The following KCNQ3 variants were observed in gnomAD, a reference collection of about 807,000 sequenced individuals.
The protein encoded by KCNQ3 is potassium voltage-gated channel subfamily Q member 3.
Under a neutral mutation model 92.5 loss-of-function variants are expected in KCNQ3, and 30 were observed. That is an observed-to-expected ratio of 0.32 (90% CI 0.24 to 0.44). KCNQ3 has a LOEUF of 0.44. Ranked by LOEUF, KCNQ3 falls within the 20% of genes least tolerant of loss-of-function variation. The pLI is 1.00. For synonymous variants in KCNQ3, 450 were observed against 468.8 expected, an observed-to-expected ratio of 0.96 and a Z score of 0.52; for missense variants, 913 against 1,140.3, an observed-to-expected ratio of 0.80 and a Z score of 2.87.
intron 1 of KCNQ3, among the ~76,000 whole-genome samples, chr8:132,343,099 C>T (rs1818583552): frequency 6.6e-6 from 1 of 152,250 alleles, no homozygotes; most frequent in Admixed American, 6.5e-5. Flanking sequence ...TAACACTGAA[C>T]ATAGTGTAAG....
At position 132,366,489 on chromosome 8, in the gene KCNQ3, T is replaced by C. The variant is rs1819326978; in HGVS notation, c.386+113658A>G. ...GTACCTCTAGTTCAATTTTAAATAATAGTGTTGATGGTAGATGCTCTTACC... is the reference window on the plus strand; with the variant it reads ...GTACCTCTAGTTCAATTTTAAATAACAGTGTTGATGGTAGATGCTCTTACC... On this transcript the variant is annotated intron_variant, in intron 1 of 14. Coordinates refer to ENST00000388996, the MANE Select transcript of KCNQ3 (RefSeq NM_004519.4). 2.0e-5 allele frequency among the ~76,000 whole-genome samples: 3 copies of C among 152,304 alleles called. No individual in the cohort carries two copies. The South Asian group carries it at 6.2e-4, about 32-fold the overall frequency.
At position 132,291,772 on chromosome 8, in the gene KCNQ3, A is replaced by G. The variant is rs116913368; in HGVS notation, c.387-105591T>C. Among the ~76,000 whole-genome samples the G allele has an allele frequency of 6.6e-4, 101 of 152,354 alleles. No homozygotes were observed. The East Asian group carries it at 0.019, about 29-fold the overall frequency. On this transcript the variant is annotated intron_variant, in intron 1 of 14. Coordinates refer to ENST00000388996, the MANE Select transcript of KCNQ3 (RefSeq NM_004519.4). ...GGTGATCCATTCATTTATGCCATCT[A>G]TAACTGCGTATTAGGAACCAGATGA...
At chr8:132,464,017 T>C (rs192038597) in intron 1 of KCNQ3, among the ~76,000 whole-genome samples, 9 of 152,282 alleles carry the variant, frequency 5.9e-5, no homozygotes, top group Admixed American at 2.6e-4. Flanking sequence ...AAACCCTGTT[T>C]CTACTAAAAG....
intron 1 of KCNQ3, among the ~76,000 whole-genome samples, chr8:132,431,373 T>G (rs1339310551): frequency 6.6e-6 from 1 of 152,212 alleles, no homozygotes; most frequent in East Asian, 1.9e-4. Context: ...TGATTCTTGC[T>G]GCAACGTTCC....
intron 1 of KCNQ3, among the ~76,000 whole-genome samples, chr8:132,340,046 C>T (rs949774444): frequency 4.0e-5 from 6 of 151,658 alleles, no homozygotes; most frequent in African/African-American, 1.5e-4. Context: ...AAATGCAAAT[C>T]AAAACCACAA....
chr8:132,380,662 T>C (rs953517685), intron 1 of KCNQ3, among the ~76,000 whole-genome samples: 46 of 151,610 alleles, frequency 3.0e-4, no homozygotes, highest in African/African-American at 1.0e-3. Flanking sequence ...ACCTTCTGTT[T>C]TTTCCCACCC....
intron 1 of KCNQ3, among the ~76,000 whole-genome samples, chr8:132,253,232 G>T (rs1815474452): frequency 6.6e-6 from 1 of 152,160 alleles, no homozygotes; most frequent in Non-Finnish European, 1.5e-5. Flanking sequence ...GTTTCCAAAA[G>T]GCAAGGACAG....
intron 1 of KCNQ3, among the ~76,000 whole-genome samples, chr8:132,369,512 G>C (rs1056285509): frequency 5.3e-5 from 8 of 151,646 alleles, no homozygotes; most frequent in Admixed American, 1.3e-4. Context: ...GCTGGGTCAG[G>C]GAGTATAAAA....
At chr8:132,328,774 GT>G (rs1314871077) in intron 1 of KCNQ3, among the ~76,000 whole-genome samples, 5 of 151,906 alleles carry the variant, frequency 3.3e-5, no homozygotes, top group African/African-American at 1.2e-4. Flanking sequence ...ATAGTTTCTG[GT>G]TCCTAAAAGT....
intron 8 of KCNQ3, among the ~76,000 whole-genome samples, chr8:132,166,709 G>A (rs150038849): frequency 2.4e-4 from 37 of 152,174 alleles, no homozygotes; most frequent in African/African-American, 6.5e-4. Flanking sequence ...ACAGACCACC[G>A]TCATCCATCA....
In KCNQ3 at chr8:132,480,623, G is replaced by A. The variant is rs1183958976; in HGVS notation, c.-91C>T. ...GTGCGTGAACGAGGCGGCGGCGGCGGCTGCAAGCCCGGGAACTCCAATGCC... is the reference window on the plus strand; with the variant it reads ...GTGCGTGAACGAGGCGGCGGCGGCGACTGCAAGCCCGGGAACTCCAATGCC... On this transcript the variant is annotated 5_prime_UTR_variant, in exon 1 of 15. Transcript: ENST00000388996. 1 of 1,184,984 alleles carries A rather than the reference G, an allele frequency of 8.4e-7. No homozygotes were observed. Among genetic ancestry groups the A allele is most frequent in the African/African-American group, 1.6e-5 (1 of 61,536 alleles). The allele number at this position is 1,184,984 out of a possible 1,614,324, so 73.4% of individuals were successfully genotyped here. A position where few individuals can be genotyped will look rare whatever the true frequency, so the allele number is the denominator to read the frequency against.
At position 132,129,750 on chromosome 8, in the gene KCNQ3, C is replaced by T; in HGVS notation, c.2131G>A (p.Gly711Arg). 4 of 1,614,184 alleles carry T rather than the reference C, an allele frequency of 2.5e-6. No homozygotes were observed. Among genetic ancestry groups the T allele is most frequent in the Non-Finnish European group, 8.5e-7 (1 of 1,180,034 alleles). Residue 711 changes from glycine to arginine, a missense_variant, in exon 15 of 15, where the codon GGG (glycine) becomes AGG (arginine). Gly to Arg is a moderately radical substitution (Grantham distance 125). Coordinates refer to ENST00000388996, the MANE Select transcript of KCNQ3 (RefSeq NM_004519.4). This position sits in a 1 kb window ranked among gnomAD's most constrained non-coding sequence, Gnocchi z 5.9. The part of the protein sequence containing the change: ...QVTIDKVSPY[G>R]FFAHDPVNLP... ...TTCACAGGGTCATGTGCAAAAAACCCATAGGGGCTGACTTTGTCAATGGTC... is the reference window on the plus strand; with the variant it reads ...TTCACAGGGTCATGTGCAAAAAACCTATAGGGGCTGACTTTGTCAATGGTC...
At position 132,123,805 on chromosome 8, in the gene KCNQ3, T is replaced by C. The variant is rs1824573369; in HGVS notation, c.*5457A>G. On this transcript the variant is annotated 3_prime_UTR_variant, in exon 15 of 15. Transcript: ENST00000388996. The stretch of plus-strand genomic sequence containing the variant: ...TAGAATCCATGAAATTATGTCTCTT[T>C]GCATCTATGATAACAAATCAAAATA... The C allele has an allele frequency of 6.6e-6, 1 of 152,228 alleles. No homozygotes were observed. The highest frequency in any genetic ancestry group is 6.5e-5 in the Admixed American group (1 of 15,282). The allele number at this position is 152,228 out of a possible 1,614,324, so 9.4% of individuals were successfully genotyped here. A position where few individuals can be genotyped will look rare whatever the true frequency, so the allele number is the denominator to read the frequency against.
At chr8:132,391,063 A>C (rs1007031573) in intron 1 of KCNQ3, among the ~76,000 whole-genome samples, 1 of 152,200 alleles carries the variant, frequency 6.6e-6, no homozygotes, top group Non-Finnish European at 1.5e-5. Flanking sequence ...GAATAAGTGG[A>C]TATTACCACT....
intron 1 of KCNQ3, among the ~76,000 whole-genome samples, chr8:132,210,406 T>A (rs1299550143): frequency 6.6e-6 from 1 of 152,232 alleles, no homozygotes; most frequent in African/African-American, 2.4e-5. Flanking sequence ...GAATGGGGTT[T>A]GAATCATGGT....
chr8:132,299,142 T>C (rs1281140349), intron 1 of KCNQ3, among the ~76,000 whole-genome samples: 2 of 145,654 alleles, frequency 1.4e-5, no homozygotes, highest in Admixed American at 6.9e-5. Flanking sequence ...AAATTTTTAA[T>C]TTTTGTGAGC....
intron 1 of KCNQ3, among the ~76,000 whole-genome samples, chr8:132,199,660 AG>A (rs1424943829): frequency 6.6e-6 from 1 of 152,234 alleles, no homozygotes; most frequent in African/African-American, 2.4e-5. Flanking sequence ...CTGTAATCCC[AG>A]CACTTTGGGA....
chr8:132,380,924 G>T (rs1308679823), intron 1 of KCNQ3, among the ~76,000 whole-genome samples: 7 of 50,762 alleles, frequency 1.4e-4, no homozygotes, highest in Non-Finnish European at 2.6e-4. Flanking sequence ...AAAAAGAAAT[G>T]AAAGCAGAAA....
chr8:132,228,531 T>G (rs1814507336), intron 1 of KCNQ3, among the ~76,000 whole-genome samples: 1 of 152,172 alleles, frequency 6.6e-6, no homozygotes, highest in Non-Finnish European at 1.5e-5. Context: ...TTAGATTAAT[T>G]ACTACACGGA....
Sources: gnomAD v4.1 joint callset for allele counts (sites outside exome capture counted in the v4.1 genomes callset) on GRCh38, gnomAD v4.1.1 for gene constraint, Gnocchi (gnomAD v3.1) non-coding constraint, MANE v1.5 for transcripts, NCBI Gene and HGNC (gene_info 2026-07-23, HGNC 2026-07-21) for gene names.